LRRC37A: variants seen among roughly 807,000 people sequenced by gnomAD.
LRRC37A encodes leucine-rich repeat-containing protein 37A.
Under a neutral mutation model 35.4 loss-of-function variants are expected in LRRC37A, and 3 were observed. That is an observed-to-expected ratio of 0.08 (90% CI 0.04 to 0.22). The LOEUF (loss-of-function observed/expected upper bound fraction) is 0.22, where lower values mean the gene tolerates loss of function less well. Among genes scored for constraint, LRRC37A ranks in the 10% least tolerant of loss-of-function variants. The probability of loss-of-function intolerance (pLI) is 1.00; values close to 1 mark genes in which losing one functional copy is unlikely to be tolerated. For synonymous variants in LRRC37A, 23 were observed against 215.0 expected, an observed-to-expected ratio of 0.11 and a Z score of 7.81; for missense variants, 67 against 565.3, an observed-to-expected ratio of 0.12 and a Z score of 8.94.
At chr17:46,290,048 G>A (rs1181772587), upstream of LRRC37A, among the ~76,000 whole-genome samples, 2 of 152,266 alleles carry the variant, frequency 1.3e-5, no homozygotes, top group African/African-American at 4.8e-5. Flanking sequence ...AAGCCTGAGA[G>A]GTGAAGACTT....
At chr17:46,273,010 T>C in the LRRC37A span, among the ~76,000 whole-genome samples, 1 of 152,360 alleles carries the variant, frequency 6.6e-6, no homozygotes, top group Admixed American at 6.5e-5. Flanking sequence ...TAGTATGAAA[T>C]GTCCTATTAC....
the LRRC37A span, among the ~76,000 whole-genome samples, chr17:46,254,665 C>T: frequency 5.9e-5 from 9 of 151,862 alleles, no homozygotes; most frequent in East Asian, 1.9e-4. Context: ...TCTCAGCCTC[C>T]GGAGTAGCTG....
At chr17:46,280,257 G>C in the LRRC37A span, among the ~76,000 whole-genome samples, 2 of 152,156 alleles carry the variant, frequency 1.3e-5, no homozygotes, top group African/African-American at 4.8e-5. Context: ...CCAGCTACTT[G>C]GGAGGCTGAG....
chr17:46,256,258 G>T, the LRRC37A span, among the ~76,000 whole-genome samples: 4 of 152,104 alleles, frequency 2.6e-5, no homozygotes, highest in Non-Finnish European at 1.5e-5. Context: ...GGTGGCGCAA[G>T]TCTGTAATCC....
chr17:46,279,500 C>CTTTTTTTTTTTTTTTTTTT, the LRRC37A span, among the ~76,000 whole-genome samples: 1 of 122,428 alleles, frequency 8.2e-6, no homozygotes, highest in Non-Finnish European at 1.6e-5. Flanking sequence ...TTCTTTCTTT[C>CTTTTTTTTTTTTTTTTTTT]TTTTTTTTTT....
chr17:46,290,255 CA>C (rs2050030762), upstream of LRRC37A, among the ~76,000 whole-genome samples: 1 of 152,168 alleles, frequency 6.6e-6, no homozygotes, highest in Non-Finnish European at 1.5e-5. Flanking sequence ...TCAGCCTCGC[CA>C]AGTAGCTGAG....
the LRRC37A span, among the ~76,000 whole-genome samples, chr17:46,248,099 C>T: frequency 2.6e-4 from 39 of 151,984 alleles, 1 homozygote; most frequent in East Asian, 1.5e-3. Context: ...GTGGGAACAA[C>T]GCAAGTCCCA....
chr17:46,265,233 C>T, the LRRC37A span, among the ~76,000 whole-genome samples: 25 of 152,046 alleles, frequency 1.6e-4, no homozygotes, highest in East Asian at 3.7e-3. Context: ...TAATGCTCAA[C>T]GGACAAATTT....
chr17:46,333,038 C>T (rs1158421294), intron 10 of LRRC37A, among the ~76,000 whole-genome samples: 1 of 135,382 alleles, frequency 7.4e-6, no homozygotes, highest in Non-Finnish European at 1.6e-5. Context: ...TCTCCACCCT[C>T]ACGGAGTTGT....
chr17:46,275,650 T>G, the LRRC37A span, among the ~76,000 whole-genome samples: 1 of 152,334 alleles, frequency 6.6e-6, no homozygotes, highest in South Asian at 2.1e-4. Context: ...AAAATATGTA[T>G]GTATATATAT....
chr17:46,279,517 T>A, the LRRC37A span, among the ~76,000 whole-genome samples: 2 of 150,652 alleles, frequency 1.3e-5, no homozygotes, highest in East Asian at 3.9e-4. Context: ...TTTTTTTTTT[T>A]TTGAGATAGG....
chr17:46,258,850 G>A, the LRRC37A span, among the ~76,000 whole-genome samples: 2 of 150,496 alleles, frequency 1.3e-5, no homozygotes, highest in South Asian at 4.2e-4. Context: ...AAGTAGCTGA[G>A]ACTACAGGCG....
At chr17:46,292,267 G>A (rs1272386344), upstream of LRRC37A, among the ~76,000 whole-genome samples, 3 of 76,602 alleles carry the variant, frequency 3.9e-5, no homozygotes, top group African/African-American at 1.0e-4. Context: ...AGGAGGCGGA[G>A]GTTGCAGTGA....
chr17:46,269,563 G>T, the LRRC37A span, among the ~76,000 whole-genome samples: 55 of 152,150 alleles, frequency 3.6e-4, no homozygotes, highest in Non-Finnish European at 6.8e-4. Context: ...TGTGCGGATG[G>T]GTGGATTAAA....
upstream of LRRC37A, among the ~76,000 whole-genome samples, chr17:46,288,706 C>CTTTTTTTT (rs199591277): frequency 5.1e-4 from 70 of 138,410 alleles, no homozygotes; most frequent in Admixed American, 7.3e-4. Context: ...CTTGTTTTTT[C>CTTTTTTTT]TTTTTTTTTT....
At chr17:46,314,814 T>C (rs1598136337) in intron 5 of LRRC37A, among the ~76,000 whole-genome samples, 1 of 82,248 alleles carries the variant, frequency 1.2e-5, no homozygotes, top group Non-Finnish European at 3.7e-5. Context: ...TTGTGTGTGA[T>C]GTCTTTAGTT....
At chr17:46,259,945 T>C in the LRRC37A span, 3 of 1,577,150 alleles carry the variant, frequency 1.9e-6, no homozygotes, top group Non-Finnish European at 1.7e-6. Context: ...GCGAAGTCGC[T>C]GCTTCAGTTC....
chr17:46,288,750 T>A (rs1162586227), upstream of LRRC37A, among the ~76,000 whole-genome samples: 1 of 151,342 alleles, frequency 6.6e-6, no homozygotes, highest in Non-Finnish European at 1.5e-5. Flanking sequence ...GTCACCCAGG[T>A]TAGAGTGCAG....
At chr17:46,253,499 C>A in the LRRC37A span, among the ~76,000 whole-genome samples, 6 of 152,316 alleles carry the variant, frequency 3.9e-5, no homozygotes, top group East Asian at 3.9e-4. Context: ...GCAATCCCGG[C>A]ACCTCGGGAG....
Sources: gnomAD v4.1 joint callset for allele counts (sites outside exome capture counted in the v4.1 genomes callset) on GRCh38, gnomAD v4.1.1 for gene constraint, MANE v1.5 for transcripts, NCBI Gene and HGNC (gene_info 2026-07-23, HGNC 2026-07-21) for gene names.